Variants in PEAK1 observed in about 807,000 individuals in gnomAD.
PEAK1 encodes the protein pseudopodium enriched atypical kinase 1.
A neutral mutation model predicts 124.7 loss-of-function variants in PEAK1; 54 were observed. That is an observed-to-expected ratio of 0.43 (90% CI 0.35 to 0.54). The LOEUF (loss-of-function observed/expected upper bound fraction) is 0.54. Ranked by LOEUF, PEAK1 falls within the 20% of genes least tolerant of loss-of-function variation. The pLI is 0.01. For synonymous variants in PEAK1, 719 were observed against 760.0 expected, an observed-to-expected ratio of 0.95 and a Z score of 0.89; for missense variants, 2,046 against 2,134.5, an observed-to-expected ratio of 0.96 and a Z score of 0.82.
At chr15:77,351,553 A>G (rs2067211656) in intron 2 of PEAK1, among the ~76,000 whole-genome samples, 1 of 152,210 alleles carries the variant, frequency 6.6e-6, no homozygotes, top group Non-Finnish European at 1.5e-5. Context: ...AGGGTATTTA[A>G]ACTCATGAAA....
chr15:77,220,086 A>G (rs62008412), intron 6 of PEAK1, among the ~76,000 whole-genome samples: 11,695 of 152,208 alleles, frequency 0.077, 559 homozygotes, highest in Non-Finnish European at 0.1. Flanking sequence ...TTTGTTTTTC[A>G]AAGTGGGGCA....
At chr15:77,206,957 G>A (rs1217937736) in intron 6 of PEAK1, among the ~76,000 whole-genome samples, 3 of 152,038 alleles carry the variant, frequency 2.0e-5, no homozygotes, top group African/African-American at 4.8e-5. Context: ...CAGAAATAAC[G>A]CCGCATACCT....
chr15:77,341,785 T>C (rs1168478605), intron 2 of PEAK1, among the ~76,000 whole-genome samples: 1 of 152,106 alleles, frequency 6.6e-6, no homozygotes, highest in East Asian at 1.9e-4. Flanking sequence ...ATAATTTCCA[T>C]GTAAAAAAGT....
intron 9 of PEAK1, among the ~76,000 whole-genome samples, chr15:77,122,871 T>C (rs1304938354): frequency 1.3e-5 from 2 of 152,228 alleles, no homozygotes; most frequent in Non-Finnish European, 2.9e-5. Context: ...GTATATATAG[T>C]CTGAACTAGT....
chr15:77,191,210 A>C (rs939304373), intron 6 of PEAK1, among the ~76,000 whole-genome samples: 1 of 152,238 alleles, frequency 6.6e-6, no homozygotes, highest in South Asian at 2.1e-4. Context: ...GAATCTGTTA[A>C]AGGAGTATAA....
At chr15:77,216,662 T>A (rs1488871037) in intron 6 of PEAK1, among the ~76,000 whole-genome samples, 1 of 152,216 alleles carries the variant, frequency 6.6e-6, no homozygotes, top group Non-Finnish European at 1.5e-5. Flanking sequence ...AAAAAATTAA[T>A]CTTGTTCTGC....
intron 2 of PEAK1, among the ~76,000 whole-genome samples, chr15:77,300,125 A>G (rs1422173352): frequency 6.6e-6 from 1 of 152,182 alleles, no homozygotes; most frequent in African/African-American, 2.4e-5. Context: ...AAACCCTAGC[A>G]CCTACACCTT....
At chr15:77,210,738 G>A (rs2058866026) in intron 6 of PEAK1, among the ~76,000 whole-genome samples, 1 of 152,128 alleles carries the variant, frequency 6.6e-6, no homozygotes, top group East Asian at 1.9e-4. Context: ...AAATCAGCCA[G>A]GTATGGTGAC....
chr15:77,367,939 T>C (rs1186007339), intron 1 of PEAK1, among the ~76,000 whole-genome samples: 3 of 152,172 alleles, frequency 2.0e-5, no homozygotes, highest in Non-Finnish European at 1.5e-5. Flanking sequence ...CCATTGCCAG[T>C]GAATGTGGAA....
chr15:77,377,038 C>G (rs2069081817), intron 1 of PEAK1, among the ~76,000 whole-genome samples: 1 of 152,126 alleles, frequency 6.6e-6, no homozygotes, highest in Non-Finnish European at 1.5e-5. Context: ...ACCTGTACAG[C>G]ATGTTACTAT....
chr15:77,278,458 C>A (rs1042436874), intron 5 of PEAK1: 7 of 473,594 alleles, frequency 1.5e-5, no homozygotes, highest in African/African-American at 1.4e-4. Context: ...ACCACATCGC[C>A]AGCACCATGC....
At chr15:77,313,726 G>GTGTATATA (rs1462211130) in intron 2 of PEAK1, among the ~76,000 whole-genome samples, 36 of 108,562 alleles carry the variant, frequency 3.3e-4, no homozygotes, top group South Asian at 5.8e-4. Flanking sequence ...GTGTGTGTGT[G>GTGTATATA]TATATATATA....
intron 5 of PEAK1, among the ~76,000 whole-genome samples, chr15:77,261,305 C>CA (rs1347403804): frequency 2.0e-5 from 3 of 152,148 alleles, no homozygotes; most frequent in African/African-American, 7.2e-5. Context: ...AAGAAGGCTT[C>CA]AGACGATCAA....
intron 6 of PEAK1, among the ~76,000 whole-genome samples, chr15:77,243,184 T>C (rs2060433340): frequency 6.6e-6 from 1 of 152,226 alleles, no homozygotes; most frequent in African/African-American, 2.4e-5. Flanking sequence ...AGCCAGTGTA[T>C]TGCTAGATTC....
At chr15:77,164,358 T>G (rs2055918024) in intron 7 of PEAK1, among the ~76,000 whole-genome samples, 1 of 152,186 alleles carries the variant, frequency 6.6e-6, no homozygotes, top group Admixed American at 6.5e-5. Context: ...TCTAACATAG[T>G]CTGGTCAAAC....
intron 5 of PEAK1, among the ~76,000 whole-genome samples, chr15:77,259,915 C>T (rs1045141855): frequency 9.2e-5 from 14 of 152,186 alleles, no homozygotes; most frequent in African/African-American, 3.4e-4. Context: ...GAGCAGAATT[C>T]CAGAGAAGAG....
intron 2 of PEAK1, among the ~76,000 whole-genome samples, chr15:77,321,791 T>A (rs1227348629): frequency 1.3e-5 from 2 of 152,192 alleles, no homozygotes; most frequent in Non-Finnish European, 2.9e-5. Context: ...TGGTTTCAGG[T>A]CTAACATTTA....
chr15:77,122,128 T>G (rs975664102), intron 9 of PEAK1, among the ~76,000 whole-genome samples: 12 of 152,196 alleles, frequency 7.9e-5, no homozygotes, highest in Non-Finnish European at 2.9e-5. Flanking sequence ...CAAAATAGAT[T>G]AAGTGTTTAA....
rs113684153 is a variant in PEAK1, at chr15:77,127,777, T to C, written c.4077+5228A>G. 7.8e-3 allele frequency among the ~76,000 whole-genome samples: 1,193 copies of C among 152,252 alleles called. 15 individuals are homozygous for C. Among genetic ancestry groups the C allele is most frequent in the African/African-American group, 0.027 (1,139 of 41,552 alleles). Reference sequence around the variant, plus strand: ...GAAGACTTGGAAAATTTGCAGTCTATCCATACTGTGAAAACGGTGAGGCCA... The same window carrying C: ...GAAGACTTGGAAAATTTGCAGTCTACCCATACTGTGAAAACGGTGAGGCCA... On this transcript the variant is annotated intron_variant, in intron 9 of 9. Transcript: ENST00000682557.
Sources: gnomAD v4.1 joint callset for allele counts (sites outside exome capture counted in the v4.1 genomes callset) on GRCh38, gnomAD v4.1.1 for gene constraint, MANE v1.5 for transcripts, NCBI Gene and HGNC (gene_info 2026-07-23, HGNC 2026-07-21) for gene names.